CDH10: variants seen among roughly 807,000 people sequenced by gnomAD.
CDH10 encodes cadherin-10.
Under a neutral mutation model 73.1 loss-of-function variants are expected in CDH10, and 30 were observed. That is an observed-to-expected ratio of 0.41 (90% CI 0.31 to 0.56). CDH10 has a LOEUF of 0.56. CDH10 is among the 20% of genes least tolerant of loss of function. CDH10 has a pLI of 0.27. For missense variants in CDH10, 815 were observed against 973.7 expected, an observed-to-expected ratio of 0.84 and a Z score of 2.17; for synonymous variants, 345 against 348.2, an observed-to-expected ratio of 0.99 and a Z score of 0.10.
intron 2 of CDH10, among the ~76,000 whole-genome samples, chr5:24,573,350 T>A (rs572306165): frequency 9.2e-5 from 14 of 151,706 alleles, no homozygotes; most frequent in African/African-American, 2.7e-4. Flanking sequence ...GAGAGAAAAA[T>A]GAAGCAATGA....
chr5:24,584,785 T>G (rs1745932772), intron 2 of CDH10, among the ~76,000 whole-genome samples: 1 of 151,890 alleles, frequency 6.6e-6, no homozygotes, highest in Non-Finnish European at 1.5e-5. Context: ...CCCTTTTTAC[T>G]ATCCACATCA....
intron 5 of CDH10, among the ~76,000 whole-genome samples, chr5:24,515,193 T>C (rs907630304): frequency 6.6e-6 from 1 of 152,158 alleles, no homozygotes; most frequent in African/African-American, 2.4e-5. Context: ...GTACTTAGCC[T>C]TAGTGGAAAA....
intron 2 of CDH10, among the ~76,000 whole-genome samples, chr5:24,576,226 A>G (rs1745594215): frequency 6.6e-6 from 1 of 152,150 alleles, no homozygotes; most frequent in African/African-American, 2.4e-5. Context: ...GCTAGTGACA[A>G]TAGCAATTAA....
intron 1 of CDH10, among the ~76,000 whole-genome samples, chr5:24,601,527 AG>A (rs1746564033): frequency 1.3e-5 from 2 of 152,126 alleles, no homozygotes; most frequent in African/African-American, 4.8e-5. Flanking sequence ...GGGAGTTGGA[AG>A]CGTATGAACT....
chr5:24,620,619 A>G (rs992003769), intron 1 of CDH10, among the ~76,000 whole-genome samples: 4 of 152,176 alleles, frequency 2.6e-5, no homozygotes, highest in African/African-American at 7.2e-5. Flanking sequence ...CAGTACATAT[A>G]CTTGTTAAAG....
chr5:24,546,509 G>A (rs983303419), intron 2 of CDH10, among the ~76,000 whole-genome samples: 12 of 151,576 alleles, frequency 7.9e-5, no homozygotes, highest in Non-Finnish European at 1.2e-4. Context: ...CTAAAACTTC[G>A]TACTCATCTA....
chr5:24,634,378 C>G (rs1747803010), intron 1 of CDH10, among the ~76,000 whole-genome samples: 1 of 151,562 alleles, frequency 6.6e-6, no homozygotes, highest in Non-Finnish European at 1.5e-5. Flanking sequence ...AAGTCCAATT[C>G]TAAAAGTATA....
chr5:24,531,170 T>C (rs771086910), intron 5 of CDH10, among the ~76,000 whole-genome samples: 5 of 152,032 alleles, frequency 3.3e-5, no homozygotes, highest in African/African-American at 7.2e-5. Flanking sequence ...AGGTGAAATA[T>C]CACCTTTTGA....
intron 1 of CDH10, among the ~76,000 whole-genome samples, chr5:24,642,157 A>G (rs910849527): frequency 2.6e-5 from 4 of 152,150 alleles, no homozygotes; most frequent in Non-Finnish European, 5.9e-5. Flanking sequence ...CTTAACAAGA[A>G]TATGGTTCAC....
intron 1 of CDH10, among the ~76,000 whole-genome samples, chr5:24,602,899 C>A (rs1746617498): frequency 6.6e-6 from 1 of 152,044 alleles, no homozygotes; most frequent in Non-Finnish European, 1.5e-5. Flanking sequence ...GTCTCAAGGC[C>A]TAATTTTCTA....
chr5:24,512,201 T>A (rs905731827), intron 5 of CDH10, among the ~76,000 whole-genome samples: 1 of 152,140 alleles, frequency 6.6e-6, no homozygotes. Flanking sequence ...TCTTTTGAGA[T>A]GGGTGTCTTG....
chr5:24,535,388 T>C, intron 4 of CDH10, 109 bp from the exon 5 acceptor site: 1 of 976,228 alleles, frequency 1.0e-6, no homozygotes. Flanking sequence ...GAAAGATACG[T>C]TTTGATACTC....
chr5:24,587,219 T>C (rs56132304), intron 2 of CDH10, among the ~76,000 whole-genome samples: 47,541 of 151,976 alleles, frequency 0.31, 8,243 homozygotes, highest in African/African-American at 0.46. Flanking sequence ...CTTTAAGAAA[T>C]TTATTAAAGT....
chr5:24,583,550 G>GA (rs928339159), intron 2 of CDH10, among the ~76,000 whole-genome samples: 1 of 152,008 alleles, frequency 6.6e-6, no homozygotes, highest in Non-Finnish European at 1.5e-5. Flanking sequence ...TACTTAACTA[G>GA]AAAAAAATCT....
At chr5:24,534,515 T>C (rs1743868728) in intron 5 of CDH10, among the ~76,000 whole-genome samples, 2 of 152,200 alleles carry the variant, frequency 1.3e-5, no homozygotes, top group South Asian at 4.1e-4. Flanking sequence ...CTATTCCTAA[T>C]CTATTTTAAG....
At chr5:24,602,473 CCTTTTGTGT>C (rs1316951331) in intron 1 of CDH10, among the ~76,000 whole-genome samples, 56 of 152,210 alleles carry the variant, frequency 3.7e-4, no homozygotes, top group South Asian at 1.0e-3. Flanking sequence ...AGCTGGTATA[CCTTTTGTGT>C]ATACCCGCTC....
chr5:24,620,597 A>G (rs528228080), intron 1 of CDH10, among the ~76,000 whole-genome samples: 10 of 152,196 alleles, frequency 6.6e-5, no homozygotes, highest in Non-Finnish European at 1.5e-4. Context: ...TTTTCCATAT[A>G]TATACTAAGG....
At chr5:24,569,042 G>A (rs1200476548) in intron 2 of CDH10, among the ~76,000 whole-genome samples, 4 of 151,852 alleles carry the variant, frequency 2.6e-5, no homozygotes, top group Admixed American at 6.6e-5. Flanking sequence ...CACAAGAGGC[G>A]GAGCTTGCAT....
At chr5:24,597,553 T>A (rs1746414932) in intron 1 of CDH10, among the ~76,000 whole-genome samples, 1 of 152,084 alleles carries the variant, frequency 6.6e-6, no homozygotes, top group South Asian at 2.1e-4. Context: ...AGGAGTTTGT[T>A]TGCTTCAAGC....
Sources: allele counts gnomAD v4.1 joint callset (sites outside exome capture counted in the v4.1 genomes callset), GRCh38; gene constraint gnomAD v4.1.1; transcripts MANE v1.5; gene names NCBI Gene and HGNC (gene_info 2026-07-23, HGNC 2026-07-21).